The following SAP130 variants were observed in gnomAD, a reference collection of about 807,000 sequenced individuals.
SAP130 encodes the protein histone deacetylase complex subunit SAP130.
SAP130 carries 16 observed loss-of-function variants against 103.2 expected under a neutral mutation model. That is an observed-to-expected ratio of 0.16 (90% CI 0.10 to 0.24). SAP130 has a LOEUF of 0.24. Among genes scored for constraint, SAP130 ranks in the 10% least tolerant of loss-of-function variants. The pLI is 1.00. For missense variants in SAP130, 990 were observed against 1,359.7 expected (o/e 0.73, Z 4.28); for synonymous variants, 477 against 497.0 (o/e 0.96, Z 0.53).
At chr2:127,991,374 T>C (rs997827629) in intron 12 of SAP130, among the ~76,000 whole-genome samples, 2 of 152,226 alleles carry the variant, frequency 1.3e-5, no homozygotes, top group Non-Finnish European at 2.9e-5. Flanking sequence ...TCTCGCTTTC[T>C]TGACTAGACT....
At chr2:127,946,906 T>C (rs1320504077) in intron 18 of SAP130, among the ~76,000 whole-genome samples, 1 of 142,262 alleles carries the variant, frequency 7.0e-6, no homozygotes, top group Admixed American at 7.2e-5. Context: ...ACAAAAAAGG[T>C]AATTTGGTTA....
At chr2:128,005,872 T>C (rs986825311) in intron 7 of SAP130, among the ~76,000 whole-genome samples, 44 of 152,028 alleles carry the variant, frequency 2.9e-4, no homozygotes, top group African/African-American at 9.2e-4. Context: ...TCAAGTGATC[T>C]GCCTGCCTCA....
Position 127,986,910 on chromosome 2 carries a change from T to A in SAP130, c.1833A>T (p.Pro611=). 1 of 1,614,192 alleles carries A rather than the reference T, an allele frequency of 6.2e-7. No homozygotes were observed. ...ATIVANPISN[P]FSAAPAATTV... ...TTGTTGCTGCTGGAGCAGCACTGAA[T>A]GGATTGCTAATAGGGTTGGCCACAA... Residue 611 remains proline, a synonymous_variant, in exon 14 of 21, where the codon CCA becomes CCT. Coordinates refer to ENST00000643581, the MANE Select transcript of SAP130 (RefSeq NM_001330301.2). This position sits in a 1 kb window ranked among gnomAD's most constrained non-coding sequence, Gnocchi z 4.7.
chr2:127,942,119 C>T lies in SAP130; in HGVS notation c.3061G>A (p.Ala1021Thr). The T allele has an allele frequency of 6.2e-7, 1 of 1,605,154 alleles. No individual in the cohort carries two copies. The highest frequency in any genetic ancestry group is 8.5e-7 in the Non-Finnish European group (1 of 1,177,990). The change falls in exon 21 of 21, where the codon GCC becomes ACC. Residue 1021 changes from alanine (A) to threonine (T), a missense_variant. By Grantham distance (58) the Ala-to-Thr change is moderately conservative. Coordinates refer to ENST00000643581, the MANE Select transcript of SAP130 (RefSeq NM_001330301.2). This position sits in a 1 kb window ranked among gnomAD's most constrained non-coding sequence, Gnocchi z 4.8. The stretch of plus-strand genomic sequence containing the variant: ...AAAACCTTAAGCATGGAGTCTCTGG[C>T]TTCACTGATTTGATCCATCACAAGT... ...CKLVMDQISE[A>T]RDSMLKVLDH...
chr2:127,996,597 G>A lies in SAP130; in HGVS notation c.1214-106C>T. 2 of 1,030,928 alleles carry A rather than the reference G, an allele frequency of 1.9e-6. No homozygotes were observed. Among genetic ancestry groups the A allele is most frequent in the Non-Finnish European group, 2.7e-6 (2 of 751,466 alleles). The allele number at this position is 1,030,928 out of a possible 1,614,324, so 63.9% of individuals were successfully genotyped here. Reference sequence around the variant, plus strand: ...TTAGGAAAGCAAACAATTAAAATAAGCCTGGATTTTTAATCAAAATAAAAA... The same window carrying A: ...TTAGGAAAGCAAACAATTAAAATAAACCTGGATTTTTAATCAAAATAAAAA... On this transcript the variant is annotated intron_variant, in intron 10 of 20. Transcript: ENST00000643581. This position sits in a 1 kb window ranked among gnomAD's most constrained non-coding sequence, Gnocchi z 4.3.
intron 15 of SAP130, among the ~76,000 whole-genome samples, chr2:127,958,670 GAGAGAGAGAGA>G (rs1559041235): frequency 2.1e-5 from 3 of 143,486 alleles, no homozygotes. Context: ...GAGAGAGAGA[GAGAGAGAGAGA>G]GAGAATCTCT....
rs572206952 is a variant in SAP130, at chr2:127,986,272, C to T, written c.1958+513G>A. Among the ~76,000 whole-genome samples, 117 of 152,316 alleles carry T rather than the reference C, an allele frequency of 7.7e-4. No homozygotes were observed. Among genetic ancestry groups the T allele is most frequent in the Non-Finnish European group, 1.4e-3 (92 of 68,016 alleles). Reference sequence around the variant, plus strand: ...TCAGCTGTAAACATTCACCTCTAGACACTGCTGTAGGGTTGGAGCGACACA... The same window carrying T: ...TCAGCTGTAAACATTCACCTCTAGATACTGCTGTAGGGTTGGAGCGACACA... On this transcript the variant is annotated intron_variant, in intron 14 of 20. Coordinates refer to ENST00000643581, the MANE Select transcript of SAP130 (RefSeq NM_001330301.2). This position sits in a 1 kb window ranked among gnomAD's most constrained non-coding sequence, Gnocchi z 4.7.
At position 127,983,261 on chromosome 2, in the gene SAP130, A is replaced by G. The variant is rs1559067225; in HGVS notation, c.1958+3524T>C. On this transcript the variant is annotated intron_variant, in intron 14 of 20. Coordinates refer to ENST00000643581, the MANE Select transcript of SAP130 (RefSeq NM_001330301.2). ...TGTGGCAAGCGCAACTCAGGAACAA[A>G]ATTTTTAATGTTATTTCATTTTAAT... Among the ~76,000 whole-genome samples, 4 of 152,154 alleles carry G rather than the reference A, an allele frequency of 2.6e-5. No homozygotes were observed. The South Asian group carries it at 8.3e-4, about 32-fold the overall frequency.
chr2:127,980,570 T>C (rs1681792757), intron 14 of SAP130, among the ~76,000 whole-genome samples: 1 of 152,066 alleles, frequency 6.6e-6, no homozygotes, highest in Admixed American at 6.6e-5. Flanking sequence ...ATGTTCAGGG[T>C]ATCATTACAG....
At chr2:128,026,055 C>A (rs1458387041) in intron 2 of SAP130, 126 bp downstream of exon 2, 2 of 684,684 alleles carry the variant, frequency 2.9e-6, no homozygotes, top group African/African-American at 1.8e-5. Flanking sequence ...TAGTAATATA[C>A]CCTTTCTTCA....
chr2:128,027,564 A>T (rs1685612522), intron 1 of SAP130, among the ~76,000 whole-genome samples: 1 of 151,248 alleles, frequency 6.6e-6, no homozygotes, highest in Non-Finnish European at 1.5e-5. Context: ...CGGCGGGCGC[A>T]GGGCCCGGAT....
At position 127,942,969 on chromosome 2, in the gene SAP130, CAA is replaced by C. The variant is rs1164672343; in HGVS notation, c.2902-434_2902-433del. Reference sequence around the variant, plus strand: ...CGCCATTGCACTCCAGCCTGGGCAACAAGAGCGAAATTCCATCTAAAAAATAA... The same window carrying C: ...CGCCATTGCACTCCAGCCTGGGCAACGAGCGAAATTCCATCTAAAAAATAA... On this transcript the variant is annotated intron_variant, in intron 19 of 20. Coordinates refer to ENST00000643581, the MANE Select transcript of SAP130 (RefSeq NM_001330301.2). The surrounding 1 kb of genome is among the most constrained non-coding windows in gnomAD (Gnocchi z 4.8). Among the ~76,000 whole-genome samples, 10 of 151,976 alleles carry C rather than the reference CAA, an allele frequency of 6.6e-5. No individual in the cohort carries two copies. The highest frequency in any genetic ancestry group is 2.4e-5 in the African/African-American group (1 of 41,368).
Position 127,941,649 on chromosome 2 carries a change from A to G in SAP130, c.*357T>C. The stretch of plus-strand genomic sequence containing the variant: ...TGGATACTTTCAGTCCAGGCTCAGT[A>G]TGGGGCCTGCAGGAATCCACTAGAT... On this transcript the variant is annotated 3_prime_UTR_variant, in exon 21 of 21. Transcript: ENST00000643581. The G allele has an allele frequency of 4.2e-6, 1 of 239,326 alleles. No individual in the cohort carries two copies. Among genetic ancestry groups the G allele is most frequent in the Non-Finnish European group, 8.0e-6 (1 of 125,306 alleles). 14.8% of individuals were successfully genotyped at this position (239,326 alleles called of 1,614,324 possible).
rs1420907363 is a variant in SAP130 at position 127,953,581 on chromosome 2, C to T, written c.2422+1405G>A. 6.6e-6 allele frequency among the ~76,000 whole-genome samples: 1 copy of T among 152,210 alleles called. No individual in the cohort carries two copies. Among genetic ancestry groups the T allele is most frequent in the African/African-American group, 2.4e-5 (1 of 41,460 alleles). On this transcript the variant is annotated intron_variant, in intron 16 of 20. Transcript: ENST00000643581. The surrounding 1 kb of genome is among the most constrained non-coding windows in gnomAD (Gnocchi z 4.0). Reference sequence around the variant, plus strand: ...TTCTACCATGATCTGATCCTGCTGCCTGCCACTCCCCTTATTACTTAGCTC... The same window carrying T: ...TTCTACCATGATCTGATCCTGCTGCTTGCCACTCCCCTTATTACTTAGCTC...
intron 15 of SAP130, among the ~76,000 whole-genome samples, chr2:127,970,654 C>G (rs761718125): frequency 6.6e-6 from 1 of 151,678 alleles, no homozygotes; most frequent in Non-Finnish European, 1.5e-5. Context: ...TCACACCGCT[C>G]ACTGTACTCC....
Position 127,950,354 on chromosome 2 carries a change from T to C in SAP130, c.2477A>G (p.Asn826Ser). 7 of 1,614,206 alleles carry C rather than the reference T, an allele frequency of 4.3e-6. No homozygotes were observed. The highest frequency in any genetic ancestry group is 5.9e-6 in the Non-Finnish European group (7 of 1,180,018). ...GTCACTTGTAGGCATGGACAAGTTG[T>C]TTGCCAGCAATGCAAGAGATGGAGA... Reference protein sequence around the residue: ...TVSPSLALLANNLSMPTSDLP... With the variant: ...TVSPSLALLASNLSMPTSDLP... Residue 826 changes from asparagine to serine, a missense_variant, in exon 17 of 21, where the codon AAC (asparagine) becomes AGC (serine). Physicochemically the swap from Asn to Ser is conservative, Grantham distance 46 (BLOSUM62 1). This residue lies in a region of SAP130 where 349 missense variants were observed against 384.1 expected (regional missense o/e 0.91). Coordinates refer to ENST00000643581, the MANE Select transcript of SAP130 (RefSeq NM_001330301.2).
chr2:127,956,356 C>G (rs1392942912), intron 15 of SAP130, among the ~76,000 whole-genome samples: 2 of 152,140 alleles, frequency 1.3e-5, no homozygotes, highest in Admixed American at 1.3e-4. Flanking sequence ...TTCCTGAGTT[C>G]TGTGTGCTGT....
chr2:127,999,601 G>T, intron 10 of SAP130, 140 bp downstream of exon 10: 1 of 448,038 alleles, frequency 2.2e-6, no homozygotes, highest in Non-Finnish European at 3.8e-6. Context: ...GAGACTTAAG[G>T]AAAGAAAAAG....
chr2:127,952,468 AAAT>A (rs1247758677), intron 16 of SAP130, among the ~76,000 whole-genome samples: 4,059 of 151,274 alleles, frequency 0.027, 164 homozygotes, highest in African/African-American at 0.09. Context: ...AAAAAAAAAA[AAAT>A]CTTCTTGACA....
Sources: allele counts gnomAD v4.1 joint callset (sites outside exome capture counted in the v4.1 genomes callset), GRCh38; gene constraint gnomAD v4.1.1; regional missense constraint gnomAD v4.1.1; non-coding constraint Gnocchi (gnomAD v3.1); transcripts MANE v1.5; gene names NCBI Gene and HGNC (gene_info 2026-07-23, HGNC 2026-07-21).